The following NXPE4 variants were observed in gnomAD, a reference collection of about 807,000 sequenced individuals.
The protein encoded by NXPE4 is neurexophilin and PC-esterase domain family member 4, also known as NXPE family member 4.
Under a neutral mutation model 33.3 loss-of-function variants are expected in NXPE4, and 42 were observed. That is an observed-to-expected ratio of 1.26 (90% CI 0.98 to 1.63). The LOEUF is 1.63. Ranked by LOEUF, NXPE4 falls within the 40% of genes most tolerant of loss-of-function variation. The pLI is 0.00. For missense variants in NXPE4, 709 were observed against 647.6 expected, an observed-to-expected ratio of 1.09 and a Z score of -1.03; for synonymous variants, 253 against 234.9, an observed-to-expected ratio of 1.08 and a Z score of -0.71.
the NXPE4 span, among the ~76,000 whole-genome samples, chr11:114,611,033 T>G: frequency 6.7e-6 from 1 of 148,620 alleles, no homozygotes; most frequent in Admixed American, 6.7e-5. Flanking sequence ...CAACTCTTAC[T>G]CTGTGGATTA....
At chr11:114,620,482 C>T in the NXPE4 span, among the ~76,000 whole-genome samples, 1 of 152,062 alleles carries the variant, frequency 6.6e-6, no homozygotes, top group Middle Eastern at 3.4e-3. Context: ...ACCACTGTTG[C>T]CCGGTGGATA....
chr11:114,634,062 A>T, the NXPE4 span, among the ~76,000 whole-genome samples: 1 of 151,774 alleles, frequency 6.6e-6, no homozygotes, highest in African/African-American at 2.4e-5. Context: ...TGATTGAACT[A>T]GTTTACAGTT....
chr11:114,571,377 C>A lies in NXPE4; in HGVS notation c.1196G>T (p.Cys399Phe). 1 of 1,613,938 alleles carries A rather than the reference C, an allele frequency of 6.2e-7. No individual in the cohort carries two copies. The highest frequency in any genetic ancestry group is 8.5e-7 in the Non-Finnish European group (1 of 1,179,902). The change falls in exon 6 of 6, where the codon TGT (cysteine) becomes TTT (phenylalanine). Residue 399 changes from cysteine to phenylalanine, a missense_variant. By Grantham distance (205) the Cys-to-Phe change is radical. Coordinates refer to ENST00000375478, the MANE Select transcript of NXPE4 (RefSeq NM_001077639.2). ...RNINIQWQKY[C>F]YPLIGSMTYS... ...GGTCATTGATCCTATCAAGGGATAA[C>A]AATATTTTTGCCACTGGATGTTGAT...
chr11:114,610,001 C>T, the NXPE4 span, among the ~76,000 whole-genome samples: 1 of 151,272 alleles, frequency 6.6e-6, no homozygotes, highest in African/African-American at 2.4e-5. Flanking sequence ...ACCACTGTTA[C>T]CTGGTAGATA....
the NXPE4 span, among the ~76,000 whole-genome samples, chr11:114,666,671 A>G: frequency 6.6e-6 from 1 of 152,128 alleles, no homozygotes; most frequent in South Asian, 2.1e-4. Flanking sequence ...AATATTATTC[A>G]TGGTTTCACA....
chr11:114,650,898 G>A, the NXPE4 span, among the ~76,000 whole-genome samples: 1 of 152,020 alleles, frequency 6.6e-6, no homozygotes, highest in Non-Finnish European at 1.5e-5. Flanking sequence ...AGCTGCAGCT[G>A]GTGGAGGGGC....
chr11:114,658,838 T>C, the NXPE4 span, among the ~76,000 whole-genome samples: 1 of 152,106 alleles, frequency 6.6e-6, no homozygotes, highest in Non-Finnish European at 1.5e-5. Context: ...GGATTGAGGC[T>C]GATCACCAAC....
the NXPE4 span, among the ~76,000 whole-genome samples, chr11:114,618,114 C>A: frequency 6.6e-6 from 1 of 151,754 alleles, no homozygotes; most frequent in African/African-American, 2.4e-5. Context: ...TTAAGTGTCG[C>A]CTCGTGGGAA....
chr11:114,607,063 C>A, the NXPE4 span, among the ~76,000 whole-genome samples: 4 of 151,882 alleles, frequency 2.6e-5, no homozygotes, highest in East Asian at 3.9e-4. Flanking sequence ...TCGTGGGTAA[C>A]CACTGTTACC....
the NXPE4 span, among the ~76,000 whole-genome samples, chr11:114,633,560 C>A: frequency 1.3e-5 from 2 of 151,026 alleles, no homozygotes; most frequent in Admixed American, 6.6e-5. Context: ...TGTGCTGCAC[C>A]CATTGACTCG....
chr11:114,642,572 T>C, the NXPE4 span, among the ~76,000 whole-genome samples: 3 of 152,096 alleles, frequency 2.0e-5, no homozygotes, highest in Non-Finnish European at 2.9e-5. Flanking sequence ...GCTTCATCTA[T>C]GTCCCTGCAA....
At chr11:114,609,625 C>T in the NXPE4 span, among the ~76,000 whole-genome samples, 1 of 151,138 alleles carries the variant, frequency 6.6e-6, no homozygotes, top group African/African-American at 2.4e-5. Context: ...CATGCTTACC[C>T]GATGGATAAT....
At chr11:114,629,100 G>A in the NXPE4 span, among the ~76,000 whole-genome samples, 29 of 152,156 alleles carry the variant, frequency 1.9e-4, no homozygotes, top group South Asian at 4.1e-3. Context: ...GGTACAAGGA[G>A]GAACTGGTAC....
chr11:114,672,481 T>C, the NXPE4 span, among the ~76,000 whole-genome samples: 1 of 151,938 alleles, frequency 6.6e-6, no homozygotes, highest in Non-Finnish European at 1.5e-5. Flanking sequence ...ATGATAATAC[T>C]TAATGTGAAT....
chr11:114,651,274 G>A, the NXPE4 span, among the ~76,000 whole-genome samples: 3 of 151,816 alleles, frequency 2.0e-5, no homozygotes, highest in East Asian at 1.9e-4. Flanking sequence ...TCTTCCTTGC[G>A]GTGGGTTCGT....
At chr11:114,595,342 A>C (rs1048571228) in intron 1 of NXPE4, among the ~76,000 whole-genome samples, 2 of 152,162 alleles carry the variant, frequency 1.3e-5, no homozygotes, top group African/African-American at 4.8e-5. Flanking sequence ...GTATTTTTCC[A>C]TGATTCATCT....
rs1420101841 is a variant in NXPE4 at position 114,582,384 on chromosome 11, C to T, written c.734G>A (p.Arg245Lys). ...TGCAGCACAGGGCATGTGTTGAGGCCTCACACAGTAGAAGCCTTCTTGGTC... is the reference window on the plus strand; with the variant it reads ...TGCAGCACAGGGCATGTGTTGAGGCTTCACACAGTAGAAGCCTTCTTGGTC... ...NRDQEGFYCV[R>K]PQHMPCAALT... Residue 245 changes from arginine (R) to lysine (K), a missense_variant, in exon 3 of 6, where the codon AGG becomes AAG. By Grantham distance (26) the Arg-to-Lys change is conservative. Transcript: ENST00000375478. The T allele has an allele frequency of 1.2e-6, 2 of 1,614,132 alleles. No homozygotes were observed. Among genetic ancestry groups the T allele is most frequent in the Admixed American group, 3.3e-5 (2 of 60,020 alleles).
the NXPE4 span, among the ~76,000 whole-genome samples, chr11:114,611,999 A>G: frequency 1.3e-5 from 2 of 151,576 alleles, no homozygotes; most frequent in Non-Finnish European, 2.9e-5. Context: ...CCAGTGGATA[A>G]TAAGTCATGC....
chr11:114,640,236 A>T, the NXPE4 span, among the ~76,000 whole-genome samples: 1 of 140,736 alleles, frequency 7.1e-6, no homozygotes, highest in Non-Finnish European at 1.5e-5. Flanking sequence ...TATATAAATT[A>T]TATATTATAA....
Sources: allele counts gnomAD v4.1 joint callset (sites outside exome capture counted in the v4.1 genomes callset), GRCh38; gene constraint gnomAD v4.1.1; transcripts MANE v1.5; gene names NCBI Gene and HGNC (gene_info 2026-07-23, HGNC 2026-07-21).